MAU2: variants seen among roughly 807,000 people sequenced by gnomAD.
The protein encoded by MAU2 is MAU2 sister chromatid cohesion factor, also known as MAU2 chromatid cohesion factor homolog.
A neutral mutation model predicts 89.1 loss-of-function variants in MAU2; 9 were observed. The observed-to-expected ratio is 0.10, with a 90% CI of 0.06 to 0.18. The LOEUF (loss-of-function observed/expected upper bound fraction) is 0.18, where lower values mean the gene tolerates loss of function less well. Ranked by LOEUF, MAU2 falls within the 10% of genes least tolerant of loss-of-function variation. MAU2 has a pLI of 1.00. For missense variants in MAU2, 425 were observed against 803.5 expected, an observed-to-expected ratio of 0.53 and a Z score of 5.69; for synonymous variants, 357 against 343.4, an observed-to-expected ratio of 1.04 and a Z score of -0.44.
chr19:19,320,839 C>G lies in MAU2; in HGVS notation c.-21C>G, dbSNP rs570793389. On this transcript the variant is annotated 5_prime_UTR_variant, in exon 1 of 19. Transcript: ENST00000262815. The stretch of plus-strand genomic sequence containing the variant: ...TGCTTCCGCCTCCCTGTGGCGGCGG[C>G]TTGTTGTTGTGGAGGCCAAAATGGC... 2 of 1,501,946 alleles carry G rather than the reference C, an allele frequency of 1.3e-6. No individual in the cohort carries two copies. The highest frequency in any genetic ancestry group is 1.8e-6 in the Non-Finnish European group (2 of 1,138,706). The allele number at this position is 1,501,946 out of a possible 1,614,324, so 93.0% of individuals were successfully genotyped here.
chr19:19,344,475 G>A (rs111817619), intron 10 of MAU2: 11 of 313,532 alleles, frequency 3.5e-5, no homozygotes, highest in African/African-American at 1.7e-4. Flanking sequence ...AGGGGATAGC[G>A]CACATGGTCT....
At chr19:19,327,301 GTATTTATTTATTTATTTATT>G (rs147425412) in intron 1 of MAU2, among the ~76,000 whole-genome samples, 83,726 of 142,182 alleles carry the variant, frequency 0.59, 25,742 homozygotes, top group East Asian at 0.69. Context: ...TTTTCTACTT[GTATTTATTTATTTATTTATT>G]TATTTATTTA....
chr19:19,341,506 G>A (rs1020507843), intron 7 of MAU2, 99 bp downstream of exon 7: 35 of 1,400,236 alleles, frequency 2.5e-5, no homozygotes, highest in Non-Finnish European at 3.0e-5. Context: ...CTGTGTCATC[G>A]CCTTACCTTG....
At chr19:19,355,036 C>G (rs1378812744) in intron 17 of MAU2, 1 of 514,408 alleles carries the variant, frequency 1.9e-6, no homozygotes, top group Non-Finnish European at 3.5e-6. Context: ...TGGCGAGAAG[C>G]CTGGCATTGG....
rs1425364793 is a variant in MAU2 at position 19,358,230 on chromosome 19, A to T, written c.*2448A>T. 1 of 152,268 alleles carries T rather than the reference A, an allele frequency of 6.6e-6. No homozygotes were observed. Among genetic ancestry groups the T allele is most frequent in the Non-Finnish European group, 1.5e-5 (1 of 68,082 alleles). The allele number at this position is 152,268 out of a possible 1,614,324, so 9.4% of individuals were successfully genotyped here. A position where few individuals can be genotyped will look rare whatever the true frequency, so the allele number is the denominator to read the frequency against. On this transcript the variant is annotated 3_prime_UTR_variant, in exon 19 of 19. Coordinates refer to ENST00000262815, the MANE Select transcript of MAU2 (RefSeq NM_015329.4). ...TCGCAGAAAGGCATTCTGTTGACAG[A>T]TGAACAGCCGAAAGCTGGCCAGACC... is the stretch of plus-strand genomic sequence containing the variant.
Position 19,356,147 on chromosome 19 carries a change from C to A in MAU2, c.*365C>A, listed in dbSNP as rs1340554338. The stretch of plus-strand genomic sequence containing the variant: ...GCCAGGGCAGGCAGTGCCCCAGGGG[C>A]ACCACGCCTGACTCTCCATCACCCA... On this transcript the variant is annotated 3_prime_UTR_variant, in exon 19 of 19. Transcript: ENST00000262815. 2 of 450,218 alleles carry A rather than the reference C, an allele frequency of 4.4e-6. No individual in the cohort carries two copies. Among genetic ancestry groups the A allele is most frequent in the Non-Finnish European group, 8.9e-6 (2 of 225,850 alleles). The allele number at this position is 450,218 out of a possible 1,614,324, so 27.9% of individuals were successfully genotyped here.
At chr19:19,350,540 A>T (rs1448622013) in intron 16 of MAU2, among the ~76,000 whole-genome samples, 1 of 150,640 alleles carries the variant, frequency 6.6e-6, no homozygotes, top group East Asian at 2.0e-4. Flanking sequence ...GGAGGCAGAG[A>T]GGTTGCAGTA....
Position 19,345,139 on chromosome 19 carries a change from T to C in MAU2, c.1156-165T>C, listed in dbSNP as rs73922866. 3.2e-3 allele frequency: 2,327 copies of C among 735,768 alleles called. 45 individuals are homozygous for C. The African/African-American group carries it at 0.036, about 12-fold the overall frequency. 45.6% of individuals were successfully genotyped at this position (735,768 alleles called of 1,614,324 possible). A position where few individuals can be genotyped will look rare whatever the true frequency, so the allele number is the denominator to read the frequency against. ...GTCCCACCCCACATTGGCTTGGGTC[T>C]GAAAGGTGGGGACAGTGAGCATATT... is the stretch of plus-strand genomic sequence containing the variant. On this transcript the variant is annotated intron_variant, in intron 11 of 18. Coordinates refer to ENST00000262815, the MANE Select transcript of MAU2 (RefSeq NM_015329.4). This position sits in a 1 kb window ranked among gnomAD's most constrained non-coding sequence, Gnocchi z 4.9.
Position 19,357,369 on chromosome 19 carries a change from G to C in MAU2, c.*1587G>C, listed in dbSNP as rs904098498. ...GCCAATAGGAGAGCGTGTGGCACTG[G>C]CCCACAAACTGTCCCTGTCCTGTCT... is the stretch of plus-strand genomic sequence containing the variant. On this transcript the variant is annotated 3_prime_UTR_variant, in exon 19 of 19. Transcript: ENST00000262815. 1.3e-5 allele frequency: 2 copies of C among 152,302 alleles called. No homozygotes were observed. The highest frequency in any genetic ancestry group is 2.9e-5 in the Non-Finnish European group (2 of 68,162). 9.4% of individuals were successfully genotyped at this position (152,302 alleles called of 1,614,324 possible).
Position 19,357,451 on chromosome 19 carries a change from C to T in MAU2, c.*1669C>T, listed in dbSNP as rs118029212. ...CCTTGAAGGAGCCCCCCACATCCTC[C>T]CCTACATCCCAGAGATGCCACCACT... On this transcript the variant is annotated 3_prime_UTR_variant, in exon 19 of 19. Transcript: ENST00000262815. 3,213 of 153,022 alleles carry T rather than the reference C, an allele frequency of 0.021. 99 individuals are homozygous for T. The highest frequency in any genetic ancestry group is 0.11 in the South Asian group (533 of 4,832). 9.5% of individuals were successfully genotyped at this position (153,022 alleles called of 1,614,324 possible).
At position 19,344,840 on chromosome 19, in the gene MAU2, TC is replaced by T; in HGVS notation, c.1078-6del. ...AGTCCTGTGATGGCAGTACACTCTC[TC>T]CCGGCAGATCTCCCAGGTCTGCCAG... On this transcript the variant is annotated splice_polypyrimidine_tract_variant and splice_region_variant and intron_variant, in intron 10 of 18. Transcript: ENST00000262815. 6.2e-7 allele frequency: 1 copy of T among 1,612,680 alleles called. No individual in the cohort carries two copies. Among genetic ancestry groups the T allele is most frequent in the Non-Finnish European group, 8.5e-7 (1 of 1,179,286 alleles).
Position 19,336,271 on chromosome 19 carries a change from G to T in MAU2, c.360+84G>T, listed in dbSNP as rs929379218. 6.6e-6 allele frequency: 7 copies of T among 1,058,112 alleles called. No homozygotes were observed. In the East Asian group the frequency reaches 1.7e-4, roughly 26 times the overall value. The allele number at this position is 1,058,112 out of a possible 1,614,324, so 65.5% of individuals were successfully genotyped here. On this transcript the variant is annotated intron_variant, in intron 3 of 18. Transcript: ENST00000262815. ...CAGCACATTGGTAAATTGGGGTTCCGGGAGTTGGAATCCCTCCGGCTTTTT... is the reference window on the plus strand; with the variant it reads ...CAGCACATTGGTAAATTGGGGTTCCTGGAGTTGGAATCCCTCCGGCTTTTT...
chr19:19,354,877 C>T (rs2048159700), intron 17 of MAU2, among the ~76,000 whole-genome samples: 1 of 152,196 alleles, frequency 6.6e-6, no homozygotes, highest in African/African-American at 2.4e-5. Context: ...GGTCCGGAGA[C>T]TCGCCTGGGG....
intron 13 of MAU2, 88 bp from the exon 14 acceptor site, chr19:19,348,801 A>G: frequency 7.1e-7 from 1 of 1,405,096 alleles, no homozygotes; most frequent in South Asian, 1.2e-5. Context: ...ACGGGGGTGT[A>G]GAGAAATTCC....
intron 9 of MAU2, 45 bp downstream of exon 9, chr19:19,342,911 G>A: frequency 6.2e-7 from 1 of 1,603,448 alleles, no homozygotes; most frequent in Non-Finnish European, 8.5e-7. Flanking sequence ...GCGACCCCTG[G>A]CGGACGGCCT....
intron 1 of MAU2, among the ~76,000 whole-genome samples, chr19:19,324,463 T>C (rs890728271): frequency 4.6e-5 from 7 of 152,132 alleles, no homozygotes; most frequent in African/African-American, 1.7e-4. Context: ...TCTAAAACTC[T>C]CCTTTCTCTC....
chr19:19,325,999 A>ATT (rs34191015), intron 1 of MAU2, among the ~76,000 whole-genome samples: 5,967 of 117,184 alleles, frequency 0.051, 284 homozygotes, highest in East Asian at 0.11. Flanking sequence ...CCTCAACTGC[A>ATT]TTTTTTTTTT....
intron 16 of MAU2, among the ~76,000 whole-genome samples, chr19:19,350,736 T>TA (rs1439979979): frequency 3.3e-5 from 5 of 151,204 alleles, no homozygotes; most frequent in Admixed American, 3.3e-4. Context: ...CCGTCTCTAC[T>TA]AAAAATACAA....
At chr19:19,328,656 C>T (rs1419324639) in intron 1 of MAU2, among the ~76,000 whole-genome samples, 1 of 152,000 alleles carries the variant, frequency 6.6e-6, no homozygotes, top group Non-Finnish European at 1.5e-5. Context: ...CTCCTGACCT[C>T]GTAATCCGCC....
Sources: gnomAD v4.1 joint callset for allele counts (sites outside exome capture counted in the v4.1 genomes callset) on GRCh38, gnomAD v4.1.1 for gene constraint, Gnocchi (gnomAD v3.1) non-coding constraint, MANE v1.5 for transcripts, NCBI Gene and HGNC (gene_info 2026-07-23, HGNC 2026-07-21) for gene names.